HLA-DQB2: variants seen among roughly 807,000 people sequenced by gnomAD.
HLA-DQB2 encodes major histocompatibility complex, class II, DQ beta 2.
HLA-DQB2 carries 24 observed loss-of-function variants against 29.2 expected under a neutral mutation model. The ratio of observed to expected loss-of-function variants is 0.82; its 90% CI spans 0.60 to 1.16. The LOEUF is 1.16. HLA-DQB2 is among the 50% of genes most tolerant of loss of function. HLA-DQB2 has a pLI of 0.00. For missense variants in HLA-DQB2, 273 were observed against 343.6 expected (o/e 0.79, Z 1.62); for synonymous variants, 104 against 133.1 (o/e 0.78, Z 1.51).
chr6:32,758,032 G>A (rs1764438079), intron 3 of HLA-DQB2, 149 bp from the exon 4 acceptor site: 1 of 601,140 alleles, frequency 1.7e-6, no homozygotes, highest in Non-Finnish European at 2.8e-6. Context: ...GACACAATAG[G>A]TGGGTGAGGG....
Position 32,758,850 on chromosome 6 carries a change from G to T in HLA-DQB2, c.646C>A (p.Arg216=). 6.2e-7 allele frequency: 1 copy of T among 1,612,416 alleles called. No individual in the cohort carries two copies. The highest frequency in any genetic ancestry group is 1.3e-5 in the African/African-American group (1 of 75,028). ...TAAAAGGAAACCAGTTTCCCCTTAC[G>T]CCACTCCACGGTGATGGGGCTCTGG... The part of the protein sequence containing the change: ...SLQSPITVEW[R]AQSESAQSKM... The change falls in exon 3 of 6, where the codon CGG becomes AGG. Residue 216 remains arginine (R), a splice_region_variant and synonymous_variant. Transcript: ENST00000437316.
At chr6:32,757,646 C>T in intron 4 of HLA-DQB2, 127 bp downstream of exon 4, 2 of 915,938 alleles carry the variant, frequency 2.2e-6, no homozygotes, top group Non-Finnish European at 3.4e-6. Flanking sequence ...CTCCTCCAAT[C>T]TTGTCCTGTC....
At position 32,756,210 on chromosome 6, in the gene HLA-DQB2, C is replaced by T. The variant is rs372075576; in HGVS notation, c.*243G>A. The T allele has an allele frequency of 3.8e-6, 2 of 532,246 alleles. No individual in the cohort carries two copies. Among genetic ancestry groups the T allele is most frequent in the East Asian group, 5.9e-5 (2 of 33,924 alleles). The allele number at this position is 532,246 out of a possible 1,614,324, so 33.0% of individuals were successfully genotyped here. A position where few individuals can be genotyped will look rare whatever the true frequency, so the allele number is the denominator to read the frequency against. ...GGGGGAGAATGGAAACAGAGATGCC[C>T]CTTGGGGCCTGAGTAGACACAGCTT... On this transcript the variant is annotated 3_prime_UTR_variant, in exon 6 of 6. Coordinates refer to ENST00000437316, the MANE Select transcript of HLA-DQB2 (RefSeq NM_001300790.2).
chr6:32,758,811 T>C, intron 3 of HLA-DQB2, 39 bp downstream of exon 3: 1 of 1,591,734 alleles, frequency 6.3e-7, no homozygotes, highest in South Asian at 1.1e-5. Context: ...CCCTTTGTCT[T>C]GTGGGGCCCA....
Position 32,761,824 on chromosome 6 carries a change from C to G in HLA-DQB2, c.200G>C (p.Arg67Pro). ...RYIYNREEYG[R>P]FDSDVGEFQA... The stretch of plus-strand genomic sequence containing the variant: ...GAACTCCCCAACGTCGCTGTCGAAG[C>G]GCCCGTACTCCTCGCGGTTATAGAT... Residue 67 changes from arginine to proline, a missense_variant, in exon 2 of 6, where the codon CGC becomes CCC. Transcript: ENST00000437316. The G allele has an allele frequency of 1.2e-6, 2 of 1,604,544 alleles. No individual in the cohort carries two copies. The highest frequency in any genetic ancestry group is 1.1e-5 in the South Asian group (1 of 89,356).
At position 32,757,636 on chromosome 6, in the gene HLA-DQB2, C is replaced by T. The variant is rs1031446163; in HGVS notation, c.757+137G>A. ...ACCCAGTAAAATCAGATTCCAATGC[C>T]TCCTCCAATCTTGTCCTGTCTCCTC... On this transcript the variant is annotated intron_variant, in intron 4 of 5. Transcript: ENST00000437316. 32 of 843,960 alleles carry T rather than the reference C, an allele frequency of 3.8e-5. 1 individual carries two copies. Among genetic ancestry groups the T allele is most frequent in the Non-Finnish European group, 5.6e-5 (30 of 533,238 alleles). 52.3% of individuals were successfully genotyped at this position (843,960 alleles called of 1,614,324 possible). A position where few individuals can be genotyped will look rare whatever the true frequency, so the allele number is the denominator to read the frequency against.
chr6:32,761,476 C>G (rs1199188915), intron 2 of HLA-DQB2, among the ~76,000 whole-genome samples, 184 bp downstream of exon 2: 1 of 151,894 alleles, frequency 6.6e-6, no homozygotes, highest in African/African-American at 2.4e-5. Context: ...TTGTGCATCC[C>G]CCTGCTCTGC....
intron 1 of HLA-DQB2, among the ~76,000 whole-genome samples, chr6:32,762,877 T>TA (rs925111135): frequency 3.0e-5 from 4 of 134,610 alleles, no homozygotes; most frequent in Admixed American, 1.6e-4. Context: ...AAACCCAAAG[T>TA]AAGACTCCCT....
chr6:32,763,426 G>T lies in HLA-DQB2; in HGVS notation c.45C>A (p.Thr15=). The T allele has an allele frequency of 6.4e-7, 1 of 1,564,876 alleles. No individual in the cohort carries two copies. Among genetic ancestry groups the T allele is most frequent in the Non-Finnish European group, 8.7e-7 (1 of 1,154,092 alleles). Residue 15 remains threonine, a synonymous_variant, in exon 1 of 6, where the codon ACC becomes ACA. Transcript: ENST00000437316. ...IPGGFWAAAV[T]VMLVMLSTPV... ...GGGTGCTCAGCATCACCAGCATCAC[G>T]GTCACAGCTGCTGCCCAAAAGCCTC...
rs138249493 is a variant in HLA-DQB2, at chr6:32,757,012, C to G, written c.781+269G>C. 343 of 1,319,608 alleles carry G rather than the reference C, an allele frequency of 2.6e-4. 1 individual carries two copies. In the African/African-American group the frequency reaches 4.9e-3, roughly 19 times the overall value. 81.7% of individuals were successfully genotyped at this position (1,319,608 alleles called of 1,614,324 possible). On this transcript the variant is annotated intron_variant, in intron 5 of 5. Transcript: ENST00000437316. ...GAGACCACTGTGCCCTGGAACACTC[C>G]GCTCATGCTCTTCTTTTTTTTTTTT... is the stretch of plus-strand genomic sequence containing the variant.
At chr6:32,762,467 G>A (rs796423830) in intron 1 of HLA-DQB2, among the ~76,000 whole-genome samples, 3 of 130,108 alleles carry the variant, frequency 2.3e-5, no homozygotes, top group Non-Finnish European at 5.2e-5. Flanking sequence ...TGCTATACCC[G>A]CCCAAGTGCC....
At chr6:32,760,183 A>G (rs975804898) in intron 2 of HLA-DQB2, among the ~76,000 whole-genome samples, 8 of 152,236 alleles carry the variant, frequency 5.3e-5, no homozygotes, top group African/African-American at 1.9e-4. Flanking sequence ...GTGAACCTGC[A>G]TAGATAACAC....
chr6:32,756,355 A>C lies in HLA-DQB2; in HGVS notation c.*98T>G. On this transcript the variant is annotated 3_prime_UTR_variant, in exon 6 of 6. Coordinates refer to ENST00000437316, the MANE Select transcript of HLA-DQB2 (RefSeq NM_001300790.2). ...TGAGCCACTGTAGGACTCTGACCTCAGTGGGACAGGGTGACACAGGCAGCT... is the reference window on the plus strand; with the variant it reads ...TGAGCCACTGTAGGACTCTGACCTCCGTGGGACAGGGTGACACAGGCAGCT... 1 of 789,708 alleles carries C rather than the reference A, an allele frequency of 1.3e-6. No individual in the cohort carries two copies. 48.9% of individuals were successfully genotyped at this position (789,708 alleles called of 1,614,324 possible).
At position 32,758,922 on chromosome 6, in the gene HLA-DQB2, G is replaced by C; in HGVS notation, c.574C>G (p.Pro192Ala). ...CAGGTGTAGATGTCTCCACGCTGGG[G>C]AGTTATTTCCAGCATCACCAGAATC... Reference protein sequence around the residue: ...FQILVMLEITPQRGDIYTCQV... With the variant: ...FQILVMLEITAQRGDIYTCQV... The change falls in exon 3 of 6, where the codon CCC becomes GCC. Residue 192 changes from proline to alanine, a missense_variant. Pro to Ala is a conservative substitution (Grantham distance 27). Coordinates refer to ENST00000437316, the MANE Select transcript of HLA-DQB2 (RefSeq NM_001300790.2). The C allele has an allele frequency of 6.2e-7, 1 of 1,613,996 alleles. No homozygotes were observed. Among genetic ancestry groups the C allele is most frequent in the Non-Finnish European group, 8.5e-7 (1 of 1,179,968 alleles).
rs932688704 is a variant in HLA-DQB2, at chr6:32,758,836, C to T, written c.646+14G>A. 2.5e-6 allele frequency: 4 copies of T among 1,607,450 alleles called. No homozygotes were observed. The highest frequency in any genetic ancestry group is 3.4e-6 in the Non-Finnish European group (4 of 1,175,520). The stretch of plus-strand genomic sequence containing the variant: ...TGTGGGGCCCACAGTAAAAGGAAAC[C>T]AGTTTCCCCTTACGCCACTCCACGG... On this transcript the variant is annotated intron_variant, in intron 3 of 5. Transcript: ENST00000437316.
Position 32,758,915 on chromosome 6 carries a change from C to G in HLA-DQB2, c.581G>C (p.Arg194Pro). 6.5e-7 allele frequency: 1 copy of G among 1,538,780 alleles called. No homozygotes were observed. The highest frequency in any genetic ancestry group is 2.3e-5 in the East Asian group (1 of 43,470). The stretch of plus-strand genomic sequence containing the variant: ...CACTTGGCAGGTGTAGATGTCTCCA[C>G]GCTGGGGAGTTATTTCCAGCATCAC... ...ILVMLEITPQ[R>P]GDIYTCQVEH... Residue 194 changes from arginine to proline, a missense_variant, in exon 3 of 6, where the codon CGT becomes CCT. Transcript: ENST00000437316.
At chr6:32,762,076 T>C (rs1451474824) in intron 1 of HLA-DQB2, 150 bp from the exon 2 acceptor site, 1 of 1,088,554 alleles carries the variant, frequency 9.2e-7, no homozygotes, top group Non-Finnish European at 1.3e-6. Flanking sequence ...GGCCCGTGCC[T>C]CGTGCTCCGG....
chr6:32,756,109 C>T lies in HLA-DQB2; in HGVS notation c.*344G>A, dbSNP rs186400259. 1 of 336,178 alleles carries T rather than the reference C, an allele frequency of 3.0e-6. No individual in the cohort carries two copies. 20.8% of individuals were successfully genotyped at this position (336,178 alleles called of 1,614,324 possible). On this transcript the variant is annotated 3_prime_UTR_variant, in exon 6 of 6. Transcript: ENST00000437316. Reference sequence around the variant, plus strand: ...GTTCCGAATACAGATAACTCAGAATCAGGTTTAATTATGGGAAAAAGCACT... The same window carrying T: ...GTTCCGAATACAGATAACTCAGAATTAGGTTTAATTATGGGAAAAAGCACT...
Position 32,757,484 on chromosome 6 carries a change from C to T in HLA-DQB2, c.758-180G>A, listed in dbSNP as rs111427363. On this transcript the variant is annotated intron_variant, in intron 4 of 5. Transcript: ENST00000437316. The stretch of plus-strand genomic sequence containing the variant: ...AACAAAGGAAATTGTCACTAGAAGA[C>T]AAGGAGGCCGAGGCTCTGACCCTCA... Among the ~76,000 whole-genome samples, 455 of 152,234 alleles carry T rather than the reference C, an allele frequency of 3.0e-3. 2 individuals are homozygous for T. The highest frequency in any genetic ancestry group is 0.01 in the African/African-American group (431 of 41,532).
Sources: gnomAD v4.1 joint callset for allele counts (sites outside exome capture counted in the v4.1 genomes callset) on GRCh38, gnomAD v4.1.1 for gene constraint, MANE v1.5 for transcripts, NCBI Gene and HGNC (gene_info 2026-07-23, HGNC 2026-07-21) for gene names.